The following PTPRD variants were observed in gnomAD, a reference collection of about 807,000 sequenced individuals.
PTPRD encodes receptor-type tyrosine-protein phosphatase delta.
Under a neutral mutation model 214.5 loss-of-function variants are expected in PTPRD, and 34 were observed. The ratio of observed to expected loss-of-function variants is 0.16; its 90% confidence interval spans 0.12 to 0.21. The LOEUF (loss-of-function observed/expected upper bound fraction) is 0.21. Ranked by LOEUF, PTPRD falls within the 10% of genes least tolerant of loss-of-function variation. PTPRD has a pLI of 1.00. For synonymous variants in PTPRD, 1,128 were observed against 845.7 expected, an observed-to-expected ratio of 1.33 and a Z score of -5.79; for missense variants, 2,545 against 2,398.7, an observed-to-expected ratio of 1.06 and a Z score of -1.27.
At chr9:8,672,896 T>C (rs1265437179) in intron 12 of PTPRD, among the ~76,000 whole-genome samples, 1 of 152,024 alleles carries the variant, frequency 6.6e-6, no homozygotes, top group Non-Finnish European at 1.5e-5. Flanking sequence ...GCCTAAATCC[T>C]CTCAATCTTT....
intron 14 of PTPRD, among the ~76,000 whole-genome samples, chr9:8,553,177 T>C (rs942727135): frequency 6.6e-5 from 10 of 152,160 alleles, no homozygotes; most frequent in Admixed American, 3.9e-4. Flanking sequence ...TGGCACCCTA[T>C]AGATTACAAC....
chr9:9,033,608 T>C (rs1014154133), intron 10 of PTPRD, among the ~76,000 whole-genome samples: 26 of 152,154 alleles, frequency 1.7e-4, no homozygotes, highest in African/African-American at 5.3e-4. Context: ...AAAATTATTT[T>C]TCCCTTTTTT....
intron 7 of PTPRD, among the ~76,000 whole-genome samples, chr9:9,665,084 G>C (rs780156275): frequency 6.6e-6 from 1 of 151,582 alleles, no homozygotes; most frequent in Admixed American, 6.6e-5. Flanking sequence ...TGATACATAA[G>C]AAAGAGTATT....
rs78413056 is a variant in PTPRD at position 9,712,042 on chromosome 9, C to A, written c.-287+22491G>T. Among the ~76,000 whole-genome samples, 1,183 of 151,766 alleles carry A rather than the reference C, an allele frequency of 7.8e-3. 14 individuals carry two copies. Among genetic ancestry groups the A allele is most frequent in the African/African-American group, 0.027 (1,116 of 41,344 alleles). On this transcript the variant is annotated intron_variant, in intron 7 of 45. Transcript: ENST00000381196. Reference sequence around the variant, plus strand: ...GCATTAGCATTGTGAGATCTCGCACCGACTTAGCAAAACTCAAAAATTTAA... The same window carrying A: ...GCATTAGCATTGTGAGATCTCGCACAGACTTAGCAAAACTCAAAAATTTAA...
intron 8 of PTPRD, among the ~76,000 whole-genome samples, chr9:9,471,803 G>A (rs1589282939): frequency 1.3e-5 from 2 of 152,168 alleles, no homozygotes; most frequent in Admixed American, 6.5e-5. Context: ...ATGCAAAAAT[G>A]CAATTTATAT....
At chr9:10,246,414 T>C (rs2092111678) in intron 3 of PTPRD, among the ~76,000 whole-genome samples, 1 of 152,134 alleles carries the variant, frequency 6.6e-6, no homozygotes, top group Admixed American at 6.5e-5. Flanking sequence ...CAGATAATTT[T>C]TGTATTTGTA....
At chr9:9,038,060 A>G (rs1283732056) in intron 10 of PTPRD, among the ~76,000 whole-genome samples, 1 of 152,204 alleles carries the variant, frequency 6.6e-6, no homozygotes, top group Non-Finnish European at 1.5e-5. Flanking sequence ...CCTACAGCAA[A>G]TGCTAACTAC....
chr9:10,382,903 G>A (rs2097849906), intron 2 of PTPRD, among the ~76,000 whole-genome samples: 1 of 151,798 alleles, frequency 6.6e-6, no homozygotes, highest in South Asian at 2.1e-4. Flanking sequence ...TGGTGTGGAA[G>A]TGTGGTGTAG....
intron 9 of PTPRD, among the ~76,000 whole-genome samples, chr9:9,346,615 T>C (rs1390277568): frequency 6.6e-6 from 1 of 152,172 alleles, no homozygotes; most frequent in Non-Finnish European, 1.5e-5. Flanking sequence ...TATAAAGCAC[T>C]CTATAACTCT....
chr9:9,761,547 C>T (rs920549476), intron 6 of PTPRD, among the ~76,000 whole-genome samples: 1 of 152,100 alleles, frequency 6.6e-6, no homozygotes, highest in African/African-American at 2.4e-5. Context: ...AACATGATTA[C>T]AATGGGCATG....
chr9:9,295,703 GA>G (rs1952767078), intron 9 of PTPRD, among the ~76,000 whole-genome samples: 1 of 151,622 alleles, frequency 6.6e-6, no homozygotes, highest in Non-Finnish European at 1.5e-5. Context: ...ATAAAATGTA[GA>G]AAAACACTAG....
In PTPRD at chr9:9,495,600, C is replaced by G. The variant is rs1025794240; in HGVS notation, c.-237+79132G>C. Among the ~76,000 whole-genome samples the G allele has an allele frequency of 3.0e-4, 46 of 152,164 alleles. 1 individual carries two copies. The Middle Eastern group carries it at 0.01, about 34-fold the overall frequency. On this transcript the variant is annotated intron_variant, in intron 8 of 45. Transcript: ENST00000381196. ...GAGTGACTAGACCTCGGGGAAGAGA[C>G]GACCTGACTTAGGGGAAGATGATCT...
chr9:10,600,275 T>A (rs1008159457), intron 2 of PTPRD, among the ~76,000 whole-genome samples: 4 of 151,784 alleles, frequency 2.6e-5, no homozygotes, highest in Non-Finnish European at 5.9e-5. Flanking sequence ...AAAAGTTTTC[T>A]GGAATTTCTT....
intron 12 of PTPRD, among the ~76,000 whole-genome samples, chr9:8,699,139 T>A (rs768813563): frequency 6.6e-6 from 1 of 152,230 alleles, no homozygotes; most frequent in Non-Finnish European, 1.5e-5. Context: ...ATCCTTTGAG[T>A]AAATTTCTAA....
intron 7 of PTPRD, among the ~76,000 whole-genome samples, chr9:9,611,052 C>T (rs913057532): frequency 2.6e-5 from 4 of 152,142 alleles, no homozygotes; most frequent in Non-Finnish European, 4.4e-5. Flanking sequence ...GTAATTCTCT[C>T]TTTTAACATC....
At chr9:8,556,899 G>A (rs1422411697) in intron 14 of PTPRD, among the ~76,000 whole-genome samples, 2 of 152,138 alleles carry the variant, frequency 1.3e-5, no homozygotes, top group African/African-American at 4.8e-5. Flanking sequence ...AGAAAGACAA[G>A]CCAATAAAAG....
At chr9:9,218,726 G>C (rs1024754663) in intron 9 of PTPRD, among the ~76,000 whole-genome samples, 1 of 152,084 alleles carries the variant, frequency 6.6e-6, no homozygotes, top group Non-Finnish European at 1.5e-5. Flanking sequence ...GTGTGTGGTA[G>C]TGTTATCAGC....
chr9:8,483,624 T>C (rs2096935529), intron 30 of PTPRD, among the ~76,000 whole-genome samples: 1 of 151,998 alleles, frequency 6.6e-6, no homozygotes, highest in Non-Finnish European at 1.5e-5. Context: ...TGGCGACAGG[T>C]GCCTGTAATC....
At chr9:9,906,296 GC>G (rs1218059544) in intron 5 of PTPRD, among the ~76,000 whole-genome samples, 12 of 151,910 alleles carry the variant, frequency 7.9e-5, no homozygotes, top group Non-Finnish European at 1.3e-4. Flanking sequence ...TGAGAAGTGT[GC>G]TTTTTTGTAC....
Sources: allele counts gnomAD v4.1 joint callset (sites outside exome capture counted in the v4.1 genomes callset), GRCh38; gene constraint gnomAD v4.1.1; transcripts MANE v1.5; gene names NCBI Gene and HGNC (gene_info 2026-07-23, HGNC 2026-07-21).